The following EHMT2 variants were observed in gnomAD, a reference collection of about 807,000 sequenced individuals.
EHMT2 encodes histone-lysine N-methyltransferase EHMT2.
A neutral mutation model predicts 143.3 loss-of-function variants in EHMT2; 59 were observed. That is an observed-to-expected ratio of 0.41 (90% CI 0.33 to 0.51). EHMT2 has a LOEUF of 0.51. EHMT2 is among the 20% of genes least tolerant of loss of function. EHMT2 has a pLI of 0.18. For synonymous variants in EHMT2, 604 were observed against 651.5 expected, an observed-to-expected ratio of 0.93 and a Z score of 1.11; for missense variants, 1,174 against 1,645.9, an observed-to-expected ratio of 0.71 and a Z score of 4.96.
chr6:31,889,388 G>C lies in EHMT2; in HGVS notation c.1000-46C>G, dbSNP rs573288273. The C allele has an allele frequency of 3.1e-6, 5 of 1,607,742 alleles. No homozygotes were observed. The highest frequency in any genetic ancestry group is 1.7e-5 in the Admixed American group (1 of 59,514). On this transcript the variant is annotated intron_variant, in intron 8 of 27. Coordinates refer to ENST00000375537, the Ensembl canonical transcript of EHMT2. This position sits in a 1 kb window ranked among gnomAD's most constrained non-coding sequence, Gnocchi z 5.1. ...GAGTTAGGAACCCTCACCCCCAGGG[G>C]CCCCCCCAACACCTTCAGGACCAGA...
chr6:31,892,781 A>C, intron 5 of EHMT2, 45 bp downstream of exon 5: 1 of 1,612,988 alleles, frequency 6.2e-7, no homozygotes, highest in South Asian at 1.1e-5. Context: ...CGAAACCTTC[A>C]GAACAGACCA....
chr6:31,889,263 C>A lies in EHMT2; in HGVS notation c.1079G>T (p.Arg360Leu). ...CTTGGCCCGCGGAGGCTCCCGCTTG[C>A]GCCGTTTCCGAGACGGCTTCACCCA... The change falls in exon 9 of 28, where the codon CGC becomes CTC. Residue 360 changes from arginine to leucine, a missense_variant. Coordinates refer to ENST00000375537, the Ensembl canonical transcript of EHMT2. This position sits in a 1 kb window ranked among gnomAD's most constrained non-coding sequence, Gnocchi z 5.1. 1 of 1,611,586 alleles carries A rather than the reference C, an allele frequency of 6.2e-7. No individual in the cohort carries two copies. The highest frequency in any genetic ancestry group is 8.5e-7 in the Non-Finnish European group (1 of 1,179,726).
Position 31,880,099 on chromosome 6 carries a change from G to C in EHMT2, c.3618C>G (p.Pro1206=), listed in dbSNP as rs1169153161. Residue 1206 remains proline (P), a synonymous_variant, in exon 28 of 28, where the codon CCC becomes CCG. Transcript: ENST00000375537. This position sits in a 1 kb window ranked among gnomAD's most constrained non-coding sequence, Gnocchi z 6.6. The stretch of plus-strand genomic sequence containing the variant: ...TGGTCCGTTCTCATGTGTTGACAGG[G>C]GGCAGGGAGCCGAGCTCGGGCAGCA... The C allele has an allele frequency of 1.9e-6, 3 of 1,612,654 alleles. No homozygotes were observed. The highest frequency in any genetic ancestry group is 2.2e-5 in the South Asian group (2 of 91,052).
chr6:31,892,449 A>C lies in EHMT2; in HGVS notation c.822T>G (p.Tyr274Ter). The C allele has an allele frequency of 6.2e-7, 1 of 1,613,062 alleles. No homozygotes were observed. The highest frequency in any genetic ancestry group is 8.5e-7 in the Non-Finnish European group (1 of 1,180,018). ...CGCGCTCATCCACAGAGTAGGAATC[A>C]TAGTAGAGACTGAAGTCATCACCCA... Residue 274 changes from tyrosine to a stop codon, truncating the protein, a stop_gained, in exon 7 of 28, where the codon TAT becomes TAG. Transcript: ENST00000375537. LOFTEE classifies it high-confidence loss of function.
At chr6:31,885,216 G>A in intron 18 of EHMT2, 200 bp from the exon 19 acceptor site, 1 of 620,690 alleles carries the variant, frequency 1.6e-6, no homozygotes, top group Non-Finnish European at 2.6e-6. Flanking sequence ...GGTGGCTCAT[G>A]CCTGTAATCC....
rs369513138 is a variant in EHMT2 at position 31,889,121 on chromosome 6, G to A, written c.1115-51C>T. The stretch of plus-strand genomic sequence containing the variant: ...AGTGCGAGCTCACAGGTGCCTGGAC[G>A]CGTGGGTACATGCAGGTGGACATGC... On this transcript the variant is annotated intron_variant, in intron 9 of 27. Coordinates refer to ENST00000375537, the Ensembl canonical transcript of EHMT2. This position sits in a 1 kb window ranked among gnomAD's most constrained non-coding sequence, Gnocchi z 5.1. 2,762 of 1,538,256 alleles carry A rather than the reference G, an allele frequency of 1.8e-3. 5 individuals are homozygous for A. The highest frequency in any genetic ancestry group is 2.3e-3 in the Non-Finnish European group (2,635 of 1,127,088).
chr6:31,896,344 G>A (rs1766425654), exon 4 of EHMT2: 1 of 1,612,972 alleles, frequency 6.2e-7, no homozygotes. Context: ...TGGCTGGAGG[G>A]GGTTCAGACC....
chr6:31,895,129 C>A (rs1766213940), intron 4 of EHMT2, among the ~76,000 whole-genome samples: 1 of 152,162 alleles, frequency 6.6e-6, no homozygotes, highest in South Asian at 2.1e-4. Flanking sequence ...GTGAAGCAGG[C>A]AAAATTGATC....
exon 18 of EHMT2, chr6:31,886,609 C>T: frequency 1.2e-6 from 2 of 1,613,222 alleles, no homozygotes; most frequent in Non-Finnish European, 1.7e-6. Flanking sequence ...CTGTCCTGTG[C>T]TCAGCAGCAG....
chr6:31,892,165 C>A (rs765225710), intron 7 of EHMT2, among the ~76,000 whole-genome samples: 1 of 152,142 alleles, frequency 6.6e-6, no homozygotes, highest in Non-Finnish European at 1.5e-5. Flanking sequence ...TTGCTTTAAC[C>A]CTGGAGACAG....
At position 31,889,348 on chromosome 6, in the gene EHMT2, A is replaced by G; in HGVS notation, c.1000-6T>C. ...CGCCGGCCACTGGAACCACTCTGGG[A>G]AGGGGGAGGAGGAGGAGTTAGGAAC... is the stretch of plus-strand genomic sequence containing the variant. On this transcript the variant is annotated splice_polypyrimidine_tract_variant and splice_region_variant and intron_variant, in intron 8 of 27. Transcript: ENST00000375537. The surrounding 1 kb of genome is among the most constrained non-coding windows in gnomAD (Gnocchi z 5.1). The G allele has an allele frequency of 6.2e-7, 1 of 1,611,646 alleles. No individual in the cohort carries two copies. The highest frequency in any genetic ancestry group is 2.2e-5 in the East Asian group (1 of 44,862).
rs1255339176 is a variant in EHMT2 at position 31,883,464 on chromosome 6, C to G, written c.2917-25G>C. ...GCTGGGGCGAGGAGGCAGAGGTCAG[C>G]TCAACCCCATGATCGGTCTGGGCCC... On this transcript the variant is annotated intron_variant, in intron 22 of 27. Coordinates refer to ENST00000375537, the Ensembl canonical transcript of EHMT2. This position sits in a 1 kb window ranked among gnomAD's most constrained non-coding sequence, Gnocchi z 5.6. The G allele has an allele frequency of 1.9e-6, 3 of 1,606,106 alleles. No individual in the cohort carries two copies. Among genetic ancestry groups the G allele is most frequent in the Non-Finnish European group, 2.5e-6 (3 of 1,176,540 alleles).
chr6:31,880,978 T>G lies in EHMT2; in HGVS notation c.3276+36A>C. On this transcript the variant is annotated intron_variant, in intron 26 of 27. Coordinates refer to ENST00000375537, the Ensembl canonical transcript of EHMT2. The surrounding 1 kb of genome is among the most constrained non-coding windows in gnomAD (Gnocchi z 6.6). ...CCCAGAGGCTCCTGAAAGCCAGCCC[T>G]GGGGAGCAGCAGGGTAAGGAGGGTC... is the stretch of plus-strand genomic sequence containing the variant. 6.2e-7 allele frequency: 1 copy of G among 1,610,716 alleles called. No individual in the cohort carries two copies. Among genetic ancestry groups the G allele is most frequent in the Non-Finnish European group, 8.5e-7 (1 of 1,178,082 alleles).
chr6:31,879,941 G>T, exon 28 of EHMT2: 1 of 1,003,316 alleles, frequency 1.0e-6, no homozygotes, highest in Non-Finnish European at 1.4e-6. Context: ...GGGCCTGGCT[G>T]GGATCTCTGG....
In EHMT2 at chr6:31,880,326, G is replaced by A. The variant is rs1195337509; in HGVS notation, c.3453-62C>T. Reference sequence around the variant, plus strand: ...CCAGCCACCAAGAGCCCACCCCGAAGACCCTGTGGATCCTGCTCCCTGAGA... The same window carrying A: ...CCAGCCACCAAGAGCCCACCCCGAAAACCCTGTGGATCCTGCTCCCTGAGA... On this transcript the variant is annotated intron_variant, in intron 27 of 27. Coordinates refer to ENST00000375537, the Ensembl canonical transcript of EHMT2. The surrounding 1 kb of genome is among the most constrained non-coding windows in gnomAD (Gnocchi z 6.6). 1 of 1,568,276 alleles carries A rather than the reference G, an allele frequency of 6.4e-7. No individual in the cohort carries two copies. Among genetic ancestry groups the A allele is most frequent in the Admixed American group, 1.7e-5 (1 of 57,528 alleles).
rs775091916 is a variant in EHMT2, at chr6:31,881,137, T to C, written c.3198-45A>G. The C allele has an allele frequency of 1.3e-6, 2 of 1,552,186 alleles. No individual in the cohort carries two copies. The highest frequency in any genetic ancestry group is 8.9e-7 in the Non-Finnish European group (1 of 1,125,364). On this transcript the variant is annotated intron_variant, in intron 25 of 27. Coordinates refer to ENST00000375537, the Ensembl canonical transcript of EHMT2. This position sits in a 1 kb window ranked among gnomAD's most constrained non-coding sequence, Gnocchi z 4.8. ...GGTTCTGAAGGTGAGTGTGGGCTAT[T>C]AGGAGGTGGCTCCAGGCCCCATCTC...
intron 4 of EHMT2, chr6:31,895,787 A>G (rs1766326738): frequency 6.3e-6 from 1 of 157,800 alleles, no homozygotes; most frequent in East Asian, 1.9e-4. Flanking sequence ...TTTTTCCTTT[A>G]GGTCAACAAT....
In EHMT2 at chr6:31,880,593, G is replaced by A. The variant is rs886120731; in HGVS notation, c.3452+80C>T. The stretch of plus-strand genomic sequence containing the variant: ...GCACTACTCCATGCCTGGACACCAG[G>A]TACATGCCAGCCTTCAGGTCCCAGG... On this transcript the variant is annotated intron_variant, in intron 27 of 27. Transcript: ENST00000375537. The surrounding 1 kb of genome is among the most constrained non-coding windows in gnomAD (Gnocchi z 6.6). 62 of 1,464,060 alleles carry A rather than the reference G, an allele frequency of 4.2e-5. No individual in the cohort carries two copies. The highest frequency in any genetic ancestry group is 5.4e-5 in the Non-Finnish European group (57 of 1,058,660). 90.7% of individuals were successfully genotyped at this position (1,464,060 alleles called of 1,614,324 possible).
At position 31,880,222 on chromosome 6, in the gene EHMT2, A is replaced by G; in HGVS notation, c.3495T>C (p.Tyr1165=). 2 of 1,612,884 alleles carry G rather than the reference A, an allele frequency of 1.2e-6. No homozygotes were observed. Among genetic ancestry groups the G allele is most frequent in the Non-Finnish European group, 1.7e-6 (2 of 1,179,952 alleles). Residue 1165 remains tyrosine, a synonymous_variant, in exon 28 of 28, where the codon TAT becomes TAC. Transcript: ENST00000375537. This position sits in a 1 kb window ranked among gnomAD's most constrained non-coding sequence, Gnocchi z 6.6. Reference sequence around the variant, plus strand: ...TCTCAGAGCCACATTGGCAGGTGAAATATTTGCTTTTGATGTCCCAGAAGC... The same window carrying G: ...TCTCAGAGCCACATTGGCAGGTGAAGTATTTGCTTTTGATGTCCCAGAAGC...
Sources: allele counts gnomAD v4.1 joint callset (sites outside exome capture counted in the v4.1 genomes callset), GRCh38; gene constraint gnomAD v4.1.1; non-coding constraint Gnocchi (gnomAD v3.1); transcripts MANE v1.5; gene names NCBI Gene and HGNC (gene_info 2026-07-23, HGNC 2026-07-21).